The following GLRX3 variants were observed in gnomAD, a reference collection of about 807,000 sequenced individuals.
GLRX3 encodes the protein glutaredoxin 3, also known as glutaredoxin-3.
A neutral mutation model predicts 49.5 loss-of-function variants in GLRX3; 22 were observed. The observed-to-expected ratio is 0.44, with a 90% CI of 0.32 to 0.63. GLRX3 has a LOEUF of 0.63. GLRX3 is among the 30% of genes least tolerant of loss of function. The pLI, the probability that GLRX3 is intolerant of heterozygous loss-of-function variation, is 0.05. For missense variants in GLRX3, 385 were observed against 396.3 expected (o/e 0.97, Z 0.24); for synonymous variants, 133 against 140.0 (o/e 0.95, Z 0.35).
intron 2 of GLRX3, among the ~76,000 whole-genome samples, chr10:130,154,567 T>A (rs1023649705): frequency 2.0e-5 from 3 of 151,848 alleles, no homozygotes; most frequent in Non-Finnish European, 4.4e-5. Context: ...AAATACTATT[T>A]TTTTTTTTTT....
chr10:130,143,255 G>A (rs916787098), intron 1 of GLRX3, among the ~76,000 whole-genome samples: 1 of 152,026 alleles, frequency 6.6e-6, no homozygotes, highest in Non-Finnish European at 1.5e-5. Context: ...TTCTCTTCTC[G>A]CTGGTATTAT....
chr10:130,137,314 A>G (rs573480803), intron 1 of GLRX3, among the ~76,000 whole-genome samples: 1 of 152,236 alleles, frequency 6.6e-6, no homozygotes. Context: ...AACTGCAAGC[A>G]TGCTTACGAG....
chr10:130,176,164 C>T (rs1565001203), intron 10 of GLRX3, among the ~76,000 whole-genome samples: 1 of 151,178 alleles, frequency 6.6e-6, no homozygotes, highest in African/African-American at 2.4e-5. Flanking sequence ...TCTTGTTCCC[C>T]ACTGGAGTGC....
chr10:130,178,395 C>G (rs1446101376), intron 10 of GLRX3, among the ~76,000 whole-genome samples: 2 of 152,098 alleles, frequency 1.3e-5, no homozygotes, highest in Non-Finnish European at 2.9e-5. Flanking sequence ...GCTAGAATTA[C>G]AGGCACATGC....
At chr10:130,173,175 G>T (rs1862847569) in intron 8 of GLRX3, among the ~76,000 whole-genome samples, 1 of 152,134 alleles carries the variant, frequency 6.6e-6, no homozygotes, top group Non-Finnish European at 1.5e-5. Flanking sequence ...GCAGTACCAG[G>T]TTCCTCAGGT....
At chr10:130,173,024 C>T (rs1298090844) in intron 8 of GLRX3, among the ~76,000 whole-genome samples, 1 of 152,208 alleles carries the variant, frequency 6.6e-6, no homozygotes, top group Non-Finnish European at 1.5e-5. Flanking sequence ...ATTGTAACTT[C>T]AAGCCTGTTC....
chr10:130,154,435 A>T (rs1270942985), intron 2 of GLRX3, among the ~76,000 whole-genome samples: 3 of 152,216 alleles, frequency 2.0e-5, no homozygotes, highest in African/African-American at 7.2e-5. Flanking sequence ...TGGGAGCTGC[A>T]GACTAGAGCT....
chr10:130,153,393 AT>A (rs1862417085), intron 2 of GLRX3, among the ~76,000 whole-genome samples: 1 of 151,822 alleles, frequency 6.6e-6, no homozygotes, highest in African/African-American at 2.4e-5. Context: ...GGTTTTTGGA[AT>A]TTTCAGCCTT....
intron 4 of GLRX3, among the ~76,000 whole-genome samples, chr10:130,162,534 C>T (rs1187633327): frequency 2.0e-5 from 3 of 152,092 alleles, no homozygotes; most frequent in Non-Finnish European, 1.5e-5. Flanking sequence ...GGGAACTTAC[C>T]ACTTCAGTTG....
Position 130,175,847 on chromosome 10 carries a change from C to G in GLRX3, c.957+758C>G, listed in dbSNP as rs1038534686. The stretch of plus-strand genomic sequence containing the variant: ...TATCTACACACAGACCCCACTGCAC[C>G]CCAGGCCCACTGTGGGCATGGTGGC... On this transcript the variant is annotated intron_variant, in intron 10 of 10. Transcript: ENST00000331244. 5.9e-5 allele frequency among the ~76,000 whole-genome samples: 9 copies of G among 152,304 alleles called. No homozygotes were observed. In the East Asian group the frequency reaches 1.7e-3, roughly 29 times the overall value.
chr10:130,171,291 C>T (rs554431951), intron 7 of GLRX3, among the ~76,000 whole-genome samples: 3 of 152,218 alleles, frequency 2.0e-5, no homozygotes, highest in Non-Finnish European at 2.9e-5. Flanking sequence ...TAGAAAATCT[C>T]GGTTTCACTT....
rs112712688 is a variant in GLRX3 at position 130,178,812 on chromosome 10, C to G, written c.958-530C>G. ...CCACCTCCCGGGTTCAGGAGATTCTCCCTGTCTCAGCCTCCTGAGTAGCTG... is the reference window on the plus strand; with the variant it reads ...CCACCTCCCGGGTTCAGGAGATTCTGCCTGTCTCAGCCTCCTGAGTAGCTG... On this transcript the variant is annotated intron_variant, in intron 10 of 10. Transcript: ENST00000331244. 4.4e-3 allele frequency among the ~76,000 whole-genome samples: 672 copies of G among 152,180 alleles called. 4 individuals carry two copies. Among genetic ancestry groups the G allele is most frequent in the African/African-American group, 0.015 (641 of 41,514 alleles).
chr10:130,171,784 A>G, intron 8 of GLRX3, 148 bp downstream of exon 8: 1 of 617,242 alleles, frequency 1.6e-6, no homozygotes. Context: ...TGGACAACAT[A>G]GTGAGACCCC....
Position 130,169,502 on chromosome 10 carries a change from A to G in GLRX3, c.771+12A>G. ...AAGGAAACAAACAGGTAAAGAACTC[A>G]AAAATGGTTTTATTTGTAATTTCTT... On this transcript the variant is annotated intron_variant, in intron 7 of 10. Coordinates refer to ENST00000331244, the MANE Select transcript of GLRX3 (RefSeq NM_006541.5). The G allele has an allele frequency of 6.4e-7, 1 of 1,562,806 alleles. No individual in the cohort carries two copies. Among genetic ancestry groups the G allele is most frequent in the South Asian group, 1.1e-5 (1 of 89,964 alleles).
intron 2 of GLRX3, among the ~76,000 whole-genome samples, chr10:130,155,004 C>T (rs769940314): frequency 1.3e-5 from 2 of 151,978 alleles, no homozygotes; most frequent in African/African-American, 2.4e-5. Flanking sequence ...TAAGGTCTCG[C>T]TCTGTCACCC....
At chr10:130,139,772 A>T (rs1173118818) in intron 1 of GLRX3, among the ~76,000 whole-genome samples, 1 of 151,092 alleles carries the variant, frequency 6.6e-6, no homozygotes, top group Non-Finnish European at 1.5e-5. Flanking sequence ...TACAAAAAAT[A>T]AAAAAAGTAG....
chr10:130,163,490 A>G (rs1217687349), intron 4 of GLRX3, among the ~76,000 whole-genome samples: 1 of 152,224 alleles, frequency 6.6e-6, no homozygotes, highest in Non-Finnish European at 1.5e-5. Flanking sequence ...TTAATAAAAG[A>G]CAATAAATAT....
At chr10:130,143,883 G>C (rs1293071881) in intron 1 of GLRX3, among the ~76,000 whole-genome samples, 1 of 151,980 alleles carries the variant, frequency 6.6e-6, no homozygotes, top group Non-Finnish European at 1.5e-5. Context: ...GCTTTTAGTA[G>C]AGTTGGGGTT....
intron 1 of GLRX3, among the ~76,000 whole-genome samples, chr10:130,143,357 A>G (rs1348055197): frequency 6.6e-6 from 1 of 151,912 alleles, no homozygotes; most frequent in African/African-American, 2.4e-5. Flanking sequence ...TCTGTTCGTG[A>G]TTTTTCAGAT....
Sources: allele counts gnomAD v4.1 joint callset (sites outside exome capture counted in the v4.1 genomes callset), GRCh38; gene constraint gnomAD v4.1.1; transcripts MANE v1.5; gene names NCBI Gene and HGNC (gene_info 2026-07-23, HGNC 2026-07-21).